Variants in AFF2 observed in about 807,000 individuals in gnomAD.
AFF2 encodes the protein AF4/FMR2 family member 2.
A neutral mutation model predicts 76.9 loss-of-function variants in AFF2; 14 were observed. That is an observed-to-expected ratio of 0.18 (90% CI 0.12 to 0.28). The LOEUF is 0.28. AFF2 is among the 10% of genes least tolerant of loss of function. The pLI, the probability that AFF2 is intolerant of heterozygous loss-of-function variation, is 1.00. For synonymous variants in AFF2, 398 were observed against 366.7 expected (o/e 1.09, Z -0.98); for missense variants, 868 against 1,001.1 (o/e 0.87, Z 1.79).
intron 4 of AFF2, among the ~76,000 whole-genome samples, chrX:148,816,463 G>T (rs1356758148): frequency 9.0e-6 from 1 of 111,642 alleles, no homozygotes; most frequent in African/African-American, 3.2e-5. Context: ...AAACAGGGAA[G>T]AAGCCAATAA....
chrX:148,859,253 A>G (rs2070820016), intron 7 of AFF2, among the ~76,000 whole-genome samples: 1 of 108,649 alleles, frequency 9.2e-6, no homozygotes, highest in South Asian at 4.0e-4. Context: ...GAGAAAAAAT[A>G]ACTAATGGTT....
At chrX:148,966,693 GC>G in intron 13 of AFF2, 96 bp from the exon 14 acceptor site, 1 of 821,177 alleles carries the variant, frequency 1.2e-6, no homozygotes, top group African/African-American at 3.3e-5. Flanking sequence ...TTTTTTTTTT[GC>G]CTTCTTTCGT....
chrX:148,731,282 G>A (rs996203921), intron 3 of AFF2, among the ~76,000 whole-genome samples: 8 of 111,770 alleles, frequency 7.2e-5, no homozygotes, highest in Non-Finnish European at 1.1e-4. Flanking sequence ...AAGTGGCAAC[G>A]TTTGATTTAT....
intron 1 of AFF2, among the ~76,000 whole-genome samples, chrX:148,584,824 C>A (rs1171786005): frequency 1.8e-5 from 2 of 111,186 alleles, no homozygotes; most frequent in Non-Finnish European, 3.8e-5. Context: ...CAGATGTGAG[C>A]CACCACGCCT....
At chrX:148,592,610 C>T (rs895552578) in intron 1 of AFF2, among the ~76,000 whole-genome samples, 4 of 112,006 alleles carry the variant, frequency 3.6e-5, no homozygotes, top group South Asian at 3.7e-4. Flanking sequence ...ATGATGACAG[C>T]TTTTATTTGC....
At chrX:148,815,399 G>A (rs1230090758) in intron 4 of AFF2, among the ~76,000 whole-genome samples, 3 of 111,550 alleles carry the variant, frequency 2.7e-5, no homozygotes, top group Non-Finnish European at 5.7e-5. Context: ...TTAATACGTA[G>A]CATGCATATG....
chrX:148,613,558 G>A (rs782421902), intron 1 of AFF2, among the ~76,000 whole-genome samples: 6 of 111,385 alleles, frequency 5.4e-5, no homozygotes, highest in African/African-American at 1.3e-4. Context: ...GTTCAATAAT[G>A]GGGTGGCCTT....
chrX:148,883,044 G>A (rs782383915), intron 7 of AFF2, among the ~76,000 whole-genome samples: 47 of 110,100 alleles, frequency 4.3e-4, no homozygotes, highest in Admixed American at 7.7e-4. Context: ...CCTATTTCCA[G>A]AACTGTACAT....
chrX:148,581,424 GTCTACGTGTACACACA>G, intron 1 of AFF2, among the ~76,000 whole-genome samples: 1 of 14,907 alleles, frequency 6.7e-5, no homozygotes, highest in African/African-American at 2.7e-4. Context: ...ATACGTATAC[GTCTACGTGTACACACA>G]TATATACGTA....
chrX:148,662,067 T>A lies in AFF2; in HGVS notation c.340T>A (p.Phe114Ile), dbSNP rs1057523628. ...TCCCAACAACAAAAATGAACCAAGC[T>A]TTTTTCCAGAACAAAAGAACAGAAT... is the stretch of plus-strand genomic sequence containing the variant. ...QNPNNKNEPSFFPEQKNRIIP... is the reference protein window; with the variant it reads ...QNPNNKNEPSIFPEQKNRIIP... The change falls in exon 3 of 21, where the codon TTT becomes ATT. Residue 114 changes from phenylalanine to isoleucine, a missense_variant. Physicochemically the swap from Phe to Ile is conservative, Grantham distance 21. Around this residue, in one of 6 missense-constraint regions of AFF2, gnomAD observed 196 missense variants for 194.8 expected, o/e 1.01. Coordinates refer to ENST00000370460, the MANE Select transcript of AFF2 (RefSeq NM_002025.4). The A allele has an allele frequency of 8.3e-7, 1 of 1,210,693 alleles. No homozygotes were observed. Among genetic ancestry groups the A allele is most frequent in the Non-Finnish European group, 1.1e-6 (1 of 894,512 alleles).
chrX:148,612,968 A>G (rs782399607), intron 1 of AFF2, among the ~76,000 whole-genome samples: 1 of 111,749 alleles, frequency 8.9e-6, no homozygotes, highest in Non-Finnish European at 1.9e-5. Flanking sequence ...AGACTATAAT[A>G]ATGATCACAT....
intron 9 of AFF2, among the ~76,000 whole-genome samples, chrX:148,912,975 A>G (rs1236682418): frequency 3.5e-5 from 4 of 113,262 alleles, no homozygotes; most frequent in Non-Finnish European, 7.5e-5. Context: ...TCGCCAATTT[A>G]AGGACAATTA....
intron 1 of AFF2, among the ~76,000 whole-genome samples, chrX:148,618,878 G>A (rs930905598): frequency 9.0e-6 from 1 of 110,884 alleles, no homozygotes; most frequent in Non-Finnish European, 1.9e-5. Flanking sequence ...AGAGTATTAT[G>A]TTGCACCTTT....
intron 7 of AFF2, among the ~76,000 whole-genome samples, chrX:148,862,003 G>T (rs1270259011): frequency 9.1e-6 from 1 of 109,739 alleles, no homozygotes; most frequent in African/African-American, 3.3e-5. Context: ...ACTGTAAGTT[G>T]TCTCCGGGGT....
intron 3 of AFF2, among the ~76,000 whole-genome samples, chrX:148,671,910 T>G (rs2054428124): frequency 9.0e-6 from 1 of 111,654 alleles, no homozygotes; most frequent in Non-Finnish European, 1.9e-5. Flanking sequence ...TATTTTCACA[T>G]TACTTCTAGG....
chrX:148,626,050 A>G (rs1401782499), intron 1 of AFF2, among the ~76,000 whole-genome samples: 2 of 112,348 alleles, frequency 1.8e-5, no homozygotes, highest in East Asian at 5.6e-4. Context: ...TTTGAGTTTC[A>G]CTTTTTAATT....
intron 7 of AFF2, among the ~76,000 whole-genome samples, chrX:148,852,158 G>A (rs1482778577): frequency 9.0e-6 from 1 of 111,052 alleles, no homozygotes; most frequent in East Asian, 2.9e-4. Context: ...CCATGACTTT[G>A]GTATTGTGAA....
intron 1 of AFF2, among the ~76,000 whole-genome samples, chrX:148,532,199 A>G (rs1569550860): frequency 8.9e-6 from 1 of 112,402 alleles, no homozygotes. Flanking sequence ...TTAGATTCCA[A>G]TAAACCATAT....
At chrX:148,702,460 G>A (rs2054812189) in intron 3 of AFF2, among the ~76,000 whole-genome samples, 1 of 111,475 alleles carries the variant, frequency 9.0e-6, no homozygotes, top group Non-Finnish European at 1.9e-5. Flanking sequence ...TTTGGTAAAT[G>A]CCACCATACC....
Sources: allele counts gnomAD v4.1 joint callset (sites outside exome capture counted in the v4.1 genomes callset), GRCh38; gene constraint gnomAD v4.1.1; regional missense constraint gnomAD v4.1.1; transcripts MANE v1.5; gene names NCBI Gene and HGNC (gene_info 2026-07-23, HGNC 2026-07-21).